Variants in C12orf56 observed in about 807,000 individuals in gnomAD.
C12orf56 encodes uncharacterized protein C12orf56.
C12orf56 carries 71 observed loss-of-function variants against 69.9 expected under a neutral mutation model. That is an observed-to-expected ratio of 1.02 (90% CI 0.84 to 1.24). The LOEUF (loss-of-function observed/expected upper bound fraction) is 1.24. C12orf56 is among the 50% of genes most tolerant of loss of function. C12orf56 has a pLI of 0.00. For synonymous variants in C12orf56, 276 were observed against 274.1 expected, an observed-to-expected ratio of 1.01 and a Z score of -0.07; for missense variants, 732 against 738.5, an observed-to-expected ratio of 0.99 and a Z score of 0.10.
intron 2 of C12orf56, among the ~76,000 whole-genome samples, chr12:64,342,921 C>T (rs1307501131): frequency 3.9e-5 from 6 of 152,166 alleles, no homozygotes; most frequent in Non-Finnish European, 5.9e-5. Flanking sequence ...TTGGATCTGC[C>T]AGGTCATATG....
intron 9 of C12orf56, among the ~76,000 whole-genome samples, chr12:64,275,791 A>G (rs1216746815): frequency 6.6e-6 from 1 of 151,844 alleles, no homozygotes; most frequent in Non-Finnish European, 1.5e-5. Context: ...TTATTTTTGT[A>G]GAGACAGGGT....
chr12:64,341,659 A>G (rs2039076256), intron 2 of C12orf56, among the ~76,000 whole-genome samples: 1 of 152,176 alleles, frequency 6.6e-6, no homozygotes, highest in African/African-American at 2.4e-5. Flanking sequence ...TGGCAGAAGC[A>G]TTGAGTGCAG....
chr12:64,380,078 C>T (rs1283408999), intron 1 of C12orf56, among the ~76,000 whole-genome samples: 5 of 126,476 alleles, frequency 4.0e-5, no homozygotes, highest in Non-Finnish European at 7.9e-5. Flanking sequence ...GCACTCCAGC[C>T]TGGGCGACAG....
In C12orf56 at chr12:64,266,661, G is replaced by A; in HGVS notation, c.*522C>T. 1 of 881,912 alleles carries A rather than the reference G, an allele frequency of 1.1e-6. No homozygotes were observed. Among genetic ancestry groups the A allele is most frequent in the South Asian group, 4.6e-5 (1 of 21,840 alleles). The allele number at this position is 881,912 out of a possible 1,614,324, so 54.6% of individuals were successfully genotyped here. A position where few individuals can be genotyped will look rare whatever the true frequency, so the allele number is the denominator to read the frequency against. The stretch of plus-strand genomic sequence containing the variant: ...GGTGAAGAGCATGCTCCTGTGCCTG[G>A]CATGGTTTCACCGAGAACACTGTGC... On this transcript the variant is annotated 3_prime_UTR_variant, in exon 13 of 13. Transcript: ENST00000543942.
chr12:64,314,941 T>A (rs2038672002), intron 4 of C12orf56, among the ~76,000 whole-genome samples: 1 of 5,404 alleles, frequency 1.9e-4, no homozygotes, highest in African/African-American at 7.8e-4. Flanking sequence ...GGCCAGCTTT[T>A]TTTTTTTTTT....
intron 1 of C12orf56, among the ~76,000 whole-genome samples, chr12:64,385,019 A>T (rs1240229963): frequency 2.0e-5 from 3 of 147,774 alleles, no homozygotes; most frequent in African/African-American, 7.6e-5. Context: ...TTGCCACCGC[A>T]CTCCAGCCTG....
At chr12:64,387,108 A>AAAAAAAAC in intron 1 of C12orf56, among the ~76,000 whole-genome samples, 1 of 123,142 alleles carries the variant, frequency 8.1e-6, no homozygotes, top group Non-Finnish European at 1.8e-5. Context: ...AAAAAAAAAA[A>AAAAAAAAC]AAGATGTGTT....
chr12:64,319,810 G>C (rs910897924), intron 3 of C12orf56, among the ~76,000 whole-genome samples: 3 of 152,190 alleles, frequency 2.0e-5, no homozygotes, highest in Non-Finnish European at 4.4e-5. Flanking sequence ...GACAATGATC[G>C]GGATATAAAC....
At chr12:64,267,451 G>A in intron 12 of C12orf56, 163 bp from the exon 13 acceptor site, 1 of 618,844 alleles carries the variant, frequency 1.6e-6, no homozygotes, top group South Asian at 2.0e-5. Flanking sequence ...CCCCATTTGT[G>A]ACCTAGAAAA....
At chr12:64,372,694 A>G (rs2039588707) in intron 1 of C12orf56, among the ~76,000 whole-genome samples, 1 of 152,052 alleles carries the variant, frequency 6.6e-6, no homozygotes, top group Non-Finnish European at 1.5e-5. Context: ...TTGTATTTTC[A>G]GTAGAGACGA....
At chr12:64,370,604 T>C (rs2039557717) in intron 1 of C12orf56, among the ~76,000 whole-genome samples, 1 of 151,884 alleles carries the variant, frequency 6.6e-6, no homozygotes, top group South Asian at 2.1e-4. Context: ...TGAGCTGAAA[T>C]TGTGCCACTG....
chr12:64,270,749 G>A, intron 11 of C12orf56, 35 bp from the exon 12 acceptor site: 2 of 1,528,288 alleles, frequency 1.3e-6, no homozygotes, highest in Middle Eastern at 1.8e-4. Flanking sequence ...TGTAGGCTGT[G>A]TGCCACCCAC....
At chr12:64,374,145 C>G (rs1383200258) in intron 1 of C12orf56, among the ~76,000 whole-genome samples, 1 of 152,198 alleles carries the variant, frequency 6.6e-6, no homozygotes, top group East Asian at 1.9e-4. Flanking sequence ...GATCCATCTA[C>G]AAATTCCCAA....
intron 6 of C12orf56, among the ~76,000 whole-genome samples, chr12:64,296,036 G>A (rs938952976): frequency 2.0e-5 from 3 of 152,164 alleles, no homozygotes; most frequent in Admixed American, 1.3e-4. Flanking sequence ...ATTTCCAGAG[G>A]AGACTGGCAT....
At chr12:64,334,455 A>G (rs1430979540) in intron 2 of C12orf56, among the ~76,000 whole-genome samples, 1 of 152,352 alleles carries the variant, frequency 6.6e-6, no homozygotes, top group East Asian at 1.9e-4. Context: ...AGAAAATGGT[A>G]TAGTATTTTC....
Position 64,284,662 on chromosome 12 carries a change from A to G in C12orf56, c.1310+2T>C. The G allele has an allele frequency of 6.2e-7, 1 of 1,604,584 alleles. No homozygotes were observed. Among genetic ancestry groups the G allele is most frequent in the Non-Finnish European group, 8.5e-7 (1 of 1,176,040 alleles). On this transcript the variant is annotated splice_donor_variant, in intron 8 of 12. Coordinates refer to ENST00000543942, the MANE Select transcript of C12orf56 (RefSeq NM_001170633.2). LOFTEE classifies it high-confidence loss of function. The stretch of plus-strand genomic sequence containing the variant: ...GTCCCAATGTCTTCTAAAAGACCTT[A>G]CTTCTTAGCTGCCAATGTGTTCAGG...
At chr12:64,354,862 T>G (rs1309999237) in intron 1 of C12orf56, among the ~76,000 whole-genome samples, 1 of 150,042 alleles carries the variant, frequency 6.7e-6, no homozygotes. Flanking sequence ...GTGGATCGCC[T>G]GAAGTCAGGA....
intron 2 of C12orf56, among the ~76,000 whole-genome samples, chr12:64,340,861 C>T (rs2039065661): frequency 6.6e-6 from 1 of 152,130 alleles, no homozygotes; most frequent in South Asian, 2.1e-4. Context: ...GTGGAGTGAC[C>T]CAAACCTTCA....
intron 1 of C12orf56, among the ~76,000 whole-genome samples, chr12:64,356,812 C>T (rs2039324109): frequency 6.6e-6 from 1 of 152,168 alleles, no homozygotes; most frequent in Non-Finnish European, 1.5e-5. Context: ...AACATACTAA[C>T]ATACTGATTC....
Sources: allele counts gnomAD v4.1 joint callset (sites outside exome capture counted in the v4.1 genomes callset), GRCh38; gene constraint gnomAD v4.1.1; transcripts MANE v1.5; gene names NCBI Gene and HGNC (gene_info 2026-07-23, HGNC 2026-07-21).